Variants in ART3 observed in about 807,000 individuals in gnomAD.
The protein encoded by ART3 is ADP-ribosyltransferase 3 (inactive).
A neutral mutation model predicts 48.5 loss-of-function variants in ART3; 49 were observed. The ratio of observed to expected loss-of-function variants is 1.01; its 90% CI spans 0.80 to 1.28. The LOEUF (loss-of-function observed/expected upper bound fraction) is 1.28, where lower values mean the gene tolerates loss of function less well. Ranked by LOEUF, ART3 falls within the 50% of genes most tolerant of loss-of-function variation. The pLI, the probability that ART3 is intolerant of heterozygous loss-of-function variation, is 0.00. For synonymous variants in ART3, 145 were observed against 157.2 expected, an observed-to-expected ratio of 0.92 and a Z score of 0.58; for missense variants, 438 against 454.3, an observed-to-expected ratio of 0.96 and a Z score of 0.33.
intron 1 of ART3, among the ~76,000 whole-genome samples, chr4:76,049,238 A>G (rs1735800687): frequency 6.6e-6 from 1 of 152,016 alleles, no homozygotes; most frequent in South Asian, 2.1e-4. Context: ...CACCAGGGAC[A>G]GGTAGCAATT....
intron 1 of ART3, among the ~76,000 whole-genome samples, chr4:76,044,095 G>T (rs919440058): frequency 6.6e-6 from 1 of 151,864 alleles, no homozygotes; most frequent in African/African-American, 2.4e-5. Context: ...CTCGATTCTA[G>T]AGGAAACAAA....
intron 1 of ART3, among the ~76,000 whole-genome samples, chr4:76,043,005 A>G (rs1392048924): frequency 1.3e-5 from 2 of 151,902 alleles, no homozygotes; most frequent in African/African-American, 4.8e-5. Context: ...CAGATTAGCT[A>G]GATACAGAGT....
intron 1 of ART3, chr4:76,036,258 CACTG>C: frequency 2.6e-6 from 1 of 382,762 alleles, no homozygotes; most frequent in Admixed American, 4.5e-5. Flanking sequence ...AATGTGAAAG[CACTG>C]TGAAAACCCA....
At chr4:76,112,258 G>C in intron 11 of ART3, 128 bp from the exon 12 acceptor site, 1 of 1,184,190 alleles carries the variant, frequency 8.4e-7, no homozygotes, top group African/African-American at 1.6e-5. Context: ...CTTTTGGCTG[G>C]AAGTATTTCA....
intron 1 of ART3, among the ~76,000 whole-genome samples, chr4:76,028,235 C>T (rs1207793144): frequency 1.3e-5 from 2 of 152,196 alleles, no homozygotes; most frequent in African/African-American, 4.8e-5. Context: ...TCACCCAAAG[C>T]CAAGACTGCA....
chr4:76,074,486 A>C (rs1441559444), upstream of ART3, among the ~76,000 whole-genome samples: 1 of 152,180 alleles, frequency 6.6e-6, no homozygotes, highest in African/African-American at 2.4e-5. Flanking sequence ...TTTCTCTCTG[A>C]GAGAAGCCCA....
Position 76,103,950 on chromosome 4 carries a change from T to C in ART3, c.951T>C (p.Leu317=), listed in dbSNP as rs777636939. The C allele has an allele frequency of 1.2e-6, 2 of 1,613,648 alleles. No individual in the cohort carries two copies. Among genetic ancestry groups the C allele is most frequent in the Admixed American group, 3.3e-5 (2 of 60,014 alleles). ...TTCTGCCTTTAGGTGTGAAAATCCT[T>C]GAACCCACCCAAATACCTGGTAAGA... ...QKLEDHGVKI[L]EPTQIPGMKI... The change falls in exon 9 of 12, where the codon CTT becomes CTC. Residue 317 remains leucine, a synonymous_variant. Transcript: ENST00000355810.
chr4:76,018,942 G>C (rs1017958377), intron 1 of ART3, among the ~76,000 whole-genome samples: 1 of 151,868 alleles, frequency 6.6e-6, no homozygotes, highest in African/African-American at 2.4e-5. Context: ...ATGGGAGGCA[G>C]AGGTGGGAGG....
Position 76,112,609 on chromosome 4 carries a change from G to T in ART3, c.*90G>T. On this transcript the variant is annotated 3_prime_UTR_variant, in exon 12 of 12. Coordinates refer to ENST00000355810, the MANE Select transcript of ART3 (RefSeq NM_001130016.3). ...AAAAGGAATGATGTATTTTTTACGTGTTGGCCAAAGTCACTGGATAAAATG... is the reference window on the plus strand; with the variant it reads ...AAAAGGAATGATGTATTTTTTACGTTTTGGCCAAAGTCACTGGATAAAATG... 1 of 1,362,710 alleles carries T rather than the reference G, an allele frequency of 7.3e-7. No homozygotes were observed. The highest frequency in any genetic ancestry group is 9.8e-7 in the Non-Finnish European group (1 of 1,018,926). The allele number at this position is 1,362,710 out of a possible 1,614,324, so 84.4% of individuals were successfully genotyped here.
chr4:76,023,235 G>A (rs903948021), intron 1 of ART3: 4 of 680,256 alleles, frequency 5.9e-6, no homozygotes, highest in Non-Finnish European at 1.0e-5. Flanking sequence ...ATGATCTGAG[G>A]GAATCTCTAT....
At chr4:76,097,126 C>T (rs1013787221) in intron 3 of ART3, among the ~76,000 whole-genome samples, 4 of 152,100 alleles carry the variant, frequency 2.6e-5, no homozygotes, top group Non-Finnish European at 2.9e-5. Context: ...AACTGAATTC[C>T]GGAAAGCTTA....
chr4:76,028,873 G>T (rs1002231805), intron 1 of ART3, among the ~76,000 whole-genome samples: 2 of 152,152 alleles, frequency 1.3e-5, no homozygotes, highest in African/African-American at 4.8e-5. Flanking sequence ...GCTTCTGTTT[G>T]GATACATTTT....
At chr4:76,012,780 T>C (rs1282123956) in intron 1 of ART3, among the ~76,000 whole-genome samples, 6 of 152,210 alleles carry the variant, frequency 3.9e-5, no homozygotes, top group African/African-American at 1.2e-4. Context: ...TATGTAACAA[T>C]AGCCATTAAG....
chr4:76,033,139 A>G (rs1024154266), intron 1 of ART3, among the ~76,000 whole-genome samples: 11 of 152,168 alleles, frequency 7.2e-5, no homozygotes, highest in Admixed American at 6.5e-4. Context: ...AACTCTGGCT[A>G]TCTTAAGGAG....
chr4:76,079,889 C>T (rs1189721622), intron 2 of ART3, among the ~76,000 whole-genome samples: 1 of 150,802 alleles, frequency 6.6e-6, no homozygotes, highest in Non-Finnish European at 1.5e-5. Flanking sequence ...CTCTCTCTGT[C>T]TCTCTCTCTT....
chr4:76,074,980 T>C (rs1448083262), intron 1 of ART3, among the ~76,000 whole-genome samples, 161 bp downstream of exon 1: 2 of 152,254 alleles, frequency 1.3e-5, no homozygotes, highest in Non-Finnish European at 2.9e-5. Flanking sequence ...AGTAGCATGT[T>C]GGTACTATAT....
At position 76,112,749 on chromosome 4, in the gene ART3, ATAC is replaced by A. The variant is rs139676907; in HGVS notation, c.*232_*234del. 0.15 allele frequency: 60,309 copies of A among 394,056 alleles called. 5,396 individuals are homozygous for A. Among genetic ancestry groups the A allele is most frequent in the East Asian group, 0.36 (8,302 of 23,040 alleles). 24.4% of individuals were successfully genotyped at this position (394,056 alleles called of 1,614,324 possible). A position where few individuals can be genotyped will look rare whatever the true frequency, so the allele number is the denominator to read the frequency against. ...AATGGAAAAAAATCCCGAAAACTGT[ATAC>A]TTCTGATTAAATTCAATAAAAGATT... On this transcript the variant is annotated 3_prime_UTR_variant, in exon 12 of 12. Coordinates refer to ENST00000355810, the MANE Select transcript of ART3 (RefSeq NM_001130016.3).
chr4:76,083,846 G>T (rs927407056), intron 3 of ART3, among the ~76,000 whole-genome samples: 2 of 152,132 alleles, frequency 1.3e-5, no homozygotes, highest in African/African-American at 2.4e-5. Flanking sequence ...TATAGTGTGT[G>T]GGGGAGACAA....
chr4:76,027,272 A>G (rs1733479331), intron 1 of ART3, among the ~76,000 whole-genome samples: 1 of 152,184 alleles, frequency 6.6e-6, no homozygotes, highest in African/African-American at 2.4e-5. Context: ...GAAAAGAAAA[A>G]AAGAAACTTT....
Sources: gnomAD v4.1 joint callset for allele counts (sites outside exome capture counted in the v4.1 genomes callset) on GRCh38, gnomAD v4.1.1 for gene constraint, MANE v1.5 for transcripts, NCBI Gene and HGNC (gene_info 2026-07-23, HGNC 2026-07-21) for gene names.